The following CEP63 variants were observed in gnomAD, a reference collection of about 807,000 sequenced individuals.
CEP63 encodes the protein centrosomal protein of 63 kDa.
Under a neutral mutation model 89.1 loss-of-function variants are expected in CEP63, and 84 were observed. The ratio of observed to expected loss-of-function variants is 0.94; its 90% confidence interval spans 0.79 to 1.13. The LOEUF is 1.13. Ranked by LOEUF, CEP63 falls within the 50% of genes most tolerant of loss-of-function variation. CEP63 has a pLI of 0.00. For synonymous variants in CEP63, 267 were observed against 272.5 expected, an observed-to-expected ratio of 0.98 and a Z score of 0.20; for missense variants, 838 against 813.3, an observed-to-expected ratio of 1.03 and a Z score of -0.37.
chr3:134,506,024 T>G (rs1943358130), intron 2 of CEP63, among the ~76,000 whole-genome samples: 1 of 152,206 alleles, frequency 6.6e-6, no homozygotes, highest in South Asian at 2.1e-4. Context: ...AGTGTGAAGC[T>G]AGTTGTTTGC....
the CEP63 span, chr3:134,607,363 C>T: frequency 9.1e-6 from 9 of 985,420 alleles, no homozygotes; most frequent in Admixed American, 4.3e-4. Flanking sequence ...ACCTGTGCTC[C>T]CCGCTGCCCC....
At chr3:134,608,648 C>T in the CEP63 span, 11 of 1,613,916 alleles carry the variant, frequency 6.8e-6, no homozygotes, top group African/African-American at 1.3e-5. Context: ...TCCGGGCTCA[C>T]CTGTTCTGAT....
chr3:134,708,600 C>T, the CEP63 span, among the ~76,000 whole-genome samples: 921 of 152,324 alleles, frequency 6.0e-3, 7 homozygotes, highest in Non-Finnish European at 8.8e-3. Context: ...ACTTCGTGTT[C>T]CCAGACTACG....
At chr3:134,607,651 G>C in the CEP63 span, 1 of 985,572 alleles carries the variant, frequency 1.0e-6, no homozygotes, top group African/African-American at 1.7e-5. Context: ...AGAAGGCCCT[G>C]CTTTTTTGTG....
the CEP63 span, among the ~76,000 whole-genome samples, chr3:134,626,554 AG>A: frequency 6.6e-6 from 1 of 152,188 alleles, no homozygotes; most frequent in African/African-American, 2.4e-5. Flanking sequence ...GGGACACTGC[AG>A]GTGCATTTGC....
chr3:134,713,591 C>T, the CEP63 span, among the ~76,000 whole-genome samples: 2 of 152,148 alleles, frequency 1.3e-5, no homozygotes, highest in African/African-American at 4.8e-5. Flanking sequence ...ATTGCACAGC[C>T]ACTCTACCTG....
the CEP63 span, among the ~76,000 whole-genome samples, chr3:134,760,562 A>G: frequency 1.5e-4 from 23 of 152,312 alleles, no homozygotes; most frequent in African/African-American, 5.5e-4. Context: ...ATGTGGTAGA[A>G]GAAAGGGTTA....
the CEP63 span, among the ~76,000 whole-genome samples, chr3:134,741,509 T>C: frequency 2.6e-5 from 4 of 152,180 alleles, no homozygotes; most frequent in African/African-American, 7.2e-5. Context: ...CCAGCCCCTG[T>C]GGATGCTTGA....
At chr3:134,730,711 A>C in the CEP63 span, among the ~76,000 whole-genome samples, 1 of 151,682 alleles carries the variant, frequency 6.6e-6, no homozygotes, top group Admixed American at 6.5e-5. Flanking sequence ...CAAGGTAACT[A>C]TAAAGCACAT....
At chr3:134,688,197 T>A in the CEP63 span, among the ~76,000 whole-genome samples, 2 of 152,132 alleles carry the variant, frequency 1.3e-5, no homozygotes, top group Non-Finnish European at 1.5e-5. Context: ...AGAAACAAAA[T>A]GTGGTATATC....
the CEP63 span, among the ~76,000 whole-genome samples, chr3:134,697,051 A>G: frequency 6.6e-6 from 1 of 152,262 alleles, no homozygotes; most frequent in African/African-American, 2.4e-5. Context: ...TTGACACAAT[A>G]GAACCTGTCC....
chr3:134,638,129 G>C, the CEP63 span, among the ~76,000 whole-genome samples: 3 of 152,142 alleles, frequency 2.0e-5, no homozygotes, highest in Non-Finnish European at 1.5e-5. Context: ...CTCACTTACT[G>C]TTGTGTGAGG....
intron 9 of CEP63, among the ~76,000 whole-genome samples, chr3:134,548,320 G>A (rs1954033998): frequency 6.6e-6 from 1 of 152,178 alleles, no homozygotes; most frequent in Non-Finnish European, 1.5e-5. Flanking sequence ...AGCAGGGTAG[G>A]AAGGGGTAAC....
the CEP63 span, chr3:134,647,397 A>G: frequency 1.4e-6 from 2 of 1,460,934 alleles, no homozygotes; most frequent in Non-Finnish European, 1.9e-6. Flanking sequence ...TATTCAATGT[A>G]TTAAATCCTA....
chr3:134,685,156 T>C, the CEP63 span, among the ~76,000 whole-genome samples: 3 of 152,240 alleles, frequency 2.0e-5, no homozygotes, highest in Admixed American at 6.5e-5. Context: ...CTAAACATCA[T>C]GTATAAAATT....
At chr3:134,619,315 A>G in the CEP63 span, 4 of 1,390,714 alleles carry the variant, frequency 2.9e-6, no homozygotes, top group Non-Finnish European at 4.1e-6. Context: ...GGGAGGCGAG[A>G]AGACTCCACC....
chr3:134,715,000 C>G, the CEP63 span, among the ~76,000 whole-genome samples: 1 of 152,298 alleles, frequency 6.6e-6, no homozygotes, highest in South Asian at 2.1e-4. Context: ...GGAGGCAGGC[C>G]ATCCAGGGAA....
chr3:134,685,241 G>A, the CEP63 span, among the ~76,000 whole-genome samples: 6 of 152,030 alleles, frequency 3.9e-5, no homozygotes, highest in East Asian at 1.9e-4. Context: ...TTTAAACTAC[G>A]TTGAGATGAA....
chr3:134,696,722 G>A, the CEP63 span, among the ~76,000 whole-genome samples: 1 of 152,110 alleles, frequency 6.6e-6, no homozygotes, highest in Admixed American at 6.6e-5. Context: ...AAGAGGGTAT[G>A]CGTGTGTATA....
Sources: gnomAD v4.1 joint callset for allele counts (sites outside exome capture counted in the v4.1 genomes callset) on GRCh38, gnomAD v4.1.1 for gene constraint, MANE v1.5 for transcripts, NCBI Gene and HGNC (gene_info 2026-07-23, HGNC 2026-07-21) for gene names.